Variants in UNC79 observed in about 807,000 individuals in gnomAD.
UNC79 encodes unc-79 subunit of NALCN channel complex.
UNC79 carries 37 observed loss-of-function variants against 283.1 expected under a neutral mutation model. The ratio of observed to expected loss-of-function variants is 0.13; its 90% CI spans 0.10 to 0.17. UNC79 has a LOEUF of 0.17. UNC79 is among the 10% of genes least tolerant of loss of function. The probability of loss-of-function intolerance (pLI) is 1.00; values close to 1 mark genes in which losing one functional copy is unlikely to be tolerated. For synonymous variants in UNC79, 1,107 were observed against 1,200.2 expected (o/e 0.92, Z 1.61); for missense variants, 2,272 against 3,211.1 (o/e 0.71, Z 7.07).
At chr14:93,566,539 C>T (rs560786661) in intron 14 of UNC79, among the ~76,000 whole-genome samples, 5 of 151,994 alleles carry the variant, frequency 3.3e-5, no homozygotes, top group South Asian at 4.2e-4. Context: ...GTCTGGCCCG[C>T]GGCAACAATG....
chr14:93,466,720 T>C (rs1595533130), intron 1 of UNC79, among the ~76,000 whole-genome samples: 2 of 152,150 alleles, frequency 1.3e-5, no homozygotes, highest in East Asian at 3.8e-4. Flanking sequence ...CCTAAAAGGC[T>C]CCCTTAAAGA....
At chr14:93,451,546 C>T (rs912706250) in intron 1 of UNC79, among the ~76,000 whole-genome samples, 1 of 152,176 alleles carries the variant, frequency 6.6e-6, no homozygotes, top group Non-Finnish European at 1.5e-5. Context: ...TCTGCCATTC[C>T]GGAGACCCTC....
intron 14 of UNC79, among the ~76,000 whole-genome samples, chr14:93,566,181 A>C (rs528087494): frequency 2.0e-5 from 3 of 152,212 alleles, no homozygotes; most frequent in African/African-American, 7.2e-5. Flanking sequence ...GGAGAGAAAA[A>C]TGTTCCCCAT....
At position 93,690,646 on chromosome 14, in the gene UNC79, A is replaced by C. The variant is rs767963600; in HGVS notation, c.7272+343A>C. On this transcript the variant is annotated intron_variant, in intron 45 of 48. Coordinates refer to ENST00000555664, the Ensembl canonical transcript of UNC79. The surrounding 1 kb of genome is among the most constrained non-coding windows in gnomAD (Gnocchi z 4.3). ...GTGATCAGTTTTTAAAACCAGAGAC[A>C]AAACAAAGGAAAATTCATTCTCTAT... 4.2e-6 allele frequency: 1 copy of C among 237,266 alleles called. No homozygotes were observed. The highest frequency in any genetic ancestry group is 2.3e-5 in the African/African-American group (1 of 44,052). The allele number at this position is 237,266 out of a possible 1,614,324, so 14.7% of individuals were successfully genotyped here.
intron 1 of UNC79, among the ~76,000 whole-genome samples, chr14:93,438,975 C>T (rs1379361515): frequency 6.6e-6 from 1 of 151,732 alleles, no homozygotes; most frequent in Non-Finnish European, 1.5e-5. Context: ...CATTTTTTGC[C>T]ATCATAATTG....
intron 1 of UNC79, among the ~76,000 whole-genome samples, chr14:93,355,091 G>A (rs879595353): frequency 4.6e-5 from 7 of 150,742 alleles, no homozygotes; most frequent in African/African-American, 9.8e-5. Context: ...GTGCAATGAC[G>A]TCATCTTGAC....
At position 93,591,634 on chromosome 14, in the gene UNC79, G is replaced by A. The variant is rs561752058; in HGVS notation, c.3033-2046G>A. ...TGTCTGTTTGAAATGGTGAGCAGCT[G>A]CAGCTGCAGACCTCAAGCTATGGTA... On this transcript the variant is annotated intron_variant, in intron 22 of 48. Coordinates refer to ENST00000555664, the Ensembl canonical transcript of UNC79. 1.8e-4 allele frequency among the ~76,000 whole-genome samples: 27 copies of A among 152,344 alleles called. No homozygotes were observed. The South Asian group carries it at 2.3e-3, about 13-fold the overall frequency.
intron 47 of UNC79, among the ~76,000 whole-genome samples, chr14:93,698,487 T>TG (rs1595133708): frequency 1.9e-5 from 2 of 105,854 alleles, no homozygotes; most frequent in East Asian, 4.2e-4. Context: ...TTTTTTTTTT[T>TG]TTTTTTTTTT....
intron 1 of UNC79, among the ~76,000 whole-genome samples, chr14:93,412,576 A>G (rs2055356867): frequency 6.6e-6 from 1 of 152,144 alleles, no homozygotes; most frequent in African/African-American, 2.4e-5. Flanking sequence ...GAGACCTCCA[A>G]TACTGACTGT....
intron 7 of UNC79, among the ~76,000 whole-genome samples, chr14:93,504,528 A>G (rs2059440373): frequency 6.6e-6 from 1 of 151,674 alleles, no homozygotes; most frequent in Admixed American, 6.6e-5. Flanking sequence ...TCCTTTTTCT[A>G]GTTTTCTACT....
At chr14:93,551,356 A>AT (rs1216829547) in intron 14 of UNC79, among the ~76,000 whole-genome samples, 2 of 152,094 alleles carry the variant, frequency 1.3e-5, no homozygotes, top group African/African-American at 2.4e-5. Context: ...GCCAGGATTT[A>AT]TTTTTTTAAG....
At chr14:93,478,380 G>A (rs1274957992) in intron 4 of UNC79, among the ~76,000 whole-genome samples, 4 of 152,130 alleles carry the variant, frequency 2.6e-5, no homozygotes, top group South Asian at 2.1e-4. Flanking sequence ...CCAGACATGC[G>A]CACAAAGAGA....
At chr14:93,519,905 T>C (rs2060244068) in intron 7 of UNC79, among the ~76,000 whole-genome samples, 1 of 151,876 alleles carries the variant, frequency 6.6e-6, no homozygotes, top group Non-Finnish European at 1.5e-5. Flanking sequence ...TAATTATTTT[T>C]TGTTTTAAAT....
chr14:93,558,571 C>T (rs1157736766), intron 14 of UNC79, among the ~76,000 whole-genome samples: 2 of 89,212 alleles, frequency 2.2e-5, no homozygotes, highest in Non-Finnish European at 4.4e-5. Flanking sequence ...AAAAAAAAAT[C>T]TTGTAGAGGA....
intron 1 of UNC79, among the ~76,000 whole-genome samples, chr14:93,347,031 G>A (rs2053852367): frequency 1.3e-5 from 2 of 151,426 alleles, no homozygotes; most frequent in South Asian, 2.1e-4. Flanking sequence ...AGGGGGTGGG[G>A]CAAAGCACGG....
chr14:93,572,874 G>A (rs2063284544), intron 16 of UNC79, 58 bp downstream of exon 16: 1 of 1,583,350 alleles, frequency 6.3e-7, no homozygotes, highest in African/African-American at 1.4e-5. Flanking sequence ...ATAAGCTTTA[G>A]ATCCCTGGAT....
At chr14:93,408,170 T>C (rs2055265146) in intron 1 of UNC79, among the ~76,000 whole-genome samples, 1 of 152,150 alleles carries the variant, frequency 6.6e-6, no homozygotes, top group Admixed American at 6.6e-5. Context: ...AGACTGGACA[T>C]TTAAAATAAC....
chr14:93,433,381 G>A (rs936581468), intron 1 of UNC79, among the ~76,000 whole-genome samples: 25 of 152,220 alleles, frequency 1.6e-4, no homozygotes, highest in African/African-American at 5.1e-4. Context: ...ACATTTTCGT[G>A]TATGTTATGT....
At position 93,474,369 on chromosome 14, in the gene UNC79, C is replaced by T. The variant is rs1460757288; in HGVS notation, c.424C>T (p.Pro142Ser). ...TTTGGTGACCCTCCTGGATCTAGTT[C>T]CTTTACTACAGCACGGCCAACACGG... Residue 142 changes from proline (P) to serine (S), a missense_variant, in exon 3 of 49, where the codon CCT becomes TCT. Physicochemically the swap from Pro to Ser is moderately conservative, Grantham distance 74. Transcript: ENST00000555664. The surrounding 1 kb of genome is among the most constrained non-coding windows in gnomAD (Gnocchi z 4.1). 1.3e-6 allele frequency: 2 copies of T among 1,535,692 alleles called. No homozygotes were observed. Among genetic ancestry groups the T allele is most frequent in the Non-Finnish European group, 1.7e-6 (2 of 1,146,652 alleles).
Sources: gnomAD v4.1 joint callset for allele counts (sites outside exome capture counted in the v4.1 genomes callset) on GRCh38, gnomAD v4.1.1 for gene constraint, Gnocchi (gnomAD v3.1) non-coding constraint, MANE v1.5 for transcripts, NCBI Gene and HGNC (gene_info 2026-07-23, HGNC 2026-07-21) for gene names.